BMPR1A: variants seen among roughly 807,000 people sequenced by gnomAD.
The protein encoded by BMPR1A is bone morphogenetic protein receptor type 1A, also known as bone morphogenetic protein receptor type-1A.
Under a neutral mutation model 66.0 loss-of-function variants are expected in BMPR1A, and 7 were observed. That is an observed-to-expected ratio of 0.11 (90% CI 0.06 to 0.20). The LOEUF (loss-of-function observed/expected upper bound fraction) is 0.20, where lower values mean the gene tolerates loss of function less well. Ranked by LOEUF, BMPR1A falls within the 10% of genes least tolerant of loss-of-function variation. BMPR1A has a pLI of 1.00. For missense variants in BMPR1A, 408 were observed against 669.1 expected (o/e 0.61, Z 4.31); for synonymous variants, 200 against 229.7 (o/e 0.87, Z 1.17).
chr10:86,839,991 AATAG>A (rs1350217709), intron 2 of BMPR1A, among the ~76,000 whole-genome samples: 1 of 152,148 alleles, frequency 6.6e-6, no homozygotes, highest in Non-Finnish European at 1.5e-5. Flanking sequence ...ATGTTAGAAT[AATAG>A]ATCTTTGGAA....
chr10:86,838,642 G>A (rs1471258946), intron 1 of BMPR1A, among the ~76,000 whole-genome samples: 1 of 150,464 alleles, frequency 6.6e-6, no homozygotes, highest in African/African-American at 2.4e-5. Context: ...AATTTTATAT[G>A]GAAGTACTGT....
At position 86,920,856 on chromosome 10, in the gene BMPR1A, C is replaced by CTT. The variant is rs397774280; in HGVS notation, c.1167-648_1167-647dup. ...TATCTTTTTTTTTTCCTTTTCTTTT[C>CTT]TTTTTTTTTTTTTTTTTGAGAGAGA... is the stretch of plus-strand genomic sequence containing the variant. On this transcript the variant is annotated intron_variant, in intron 10 of 12. Transcript: ENST00000372037. Among the ~76,000 whole-genome samples, 396 of 122,164 alleles carry CTT rather than the reference C, an allele frequency of 3.2e-3. 7 individuals are homozygous for CTT. The highest frequency in any genetic ancestry group is 8.2e-3 in the African/African-American group (260 of 31,796). The allele number at this position is 122,164 out of a possible 152,430, so 80.1% of individuals were successfully genotyped here.
At chr10:86,759,411 T>A (rs1359233486) in intron 1 of BMPR1A, among the ~76,000 whole-genome samples, 1 of 152,214 alleles carries the variant, frequency 6.6e-6, no homozygotes, top group Non-Finnish European at 1.5e-5. Context: ...TTTTTTTGTT[T>A]GTTTGTTTTG....
In BMPR1A at chr10:86,803,624, T is replaced by G. The variant is rs61549598; in HGVS notation, c.-267-35241T>G. 8.9e-3 allele frequency among the ~76,000 whole-genome samples: 1,350 copies of G among 152,348 alleles called. 24 individuals carry two copies. The highest frequency in any genetic ancestry group is 0.03 in the African/African-American group (1,235 of 41,584). On this transcript the variant is annotated intron_variant, in intron 1 of 12. Coordinates refer to ENST00000372037, the MANE Select transcript of BMPR1A (RefSeq NM_004329.3). ...TCTTTATTGATTTGAGATGTTACTT[T>G]TATTATATTCTCATATATATTTGGA...
At chr10:86,874,924 C>T (rs1842901299) in intron 2 of BMPR1A, among the ~76,000 whole-genome samples, 1 of 150,132 alleles carries the variant, frequency 6.7e-6, no homozygotes, top group African/African-American at 2.4e-5. Flanking sequence ...GGGGTTTCAC[C>T]ATGCTGGCCA....
intron 2 of BMPR1A, among the ~76,000 whole-genome samples, chr10:86,847,672 A>G (rs1391536591): frequency 6.6e-6 from 1 of 151,984 alleles, no homozygotes; most frequent in African/African-American, 2.4e-5. Context: ...ATTTAAAAAT[A>G]CACACACACG....
In BMPR1A at chr10:86,925,738, T is replaced by TTTTTTTTTTTTTTTTTTTG. The variant is rs1411121266; in HGVS notation, c.*2019_*2020insTTTTTTTTTTTTTTTTTTG. Reference sequence around the variant, plus strand: ...TTTGTCATCTTTTTTTTTTTTTTTTTGAGACGGAGTCTCGCTCTGTCGCCC... The same window carrying TTTTTTTTTTTTTTTTTTTG: ...TTTGTCATCTTTTTTTTTTTTTTTTTTTTTTTTTTTTTTTTTTTGGAGACGGAGTCTCGCTCTGTCGCCC... On this transcript the variant is annotated 3_prime_UTR_variant, in exon 13 of 13. Transcript: ENST00000372037. The TTTTTTTTTTTTTTTTTTTG allele has an allele frequency of 6.5e-6, 1 of 152,750 alleles. No individual in the cohort carries two copies. The highest frequency in any genetic ancestry group is 2.7e-5 in the African/African-American group (1 of 36,542). The allele number at this position is 152,750 out of a possible 1,614,324, so 9.5% of individuals were successfully genotyped here.
At chr10:86,827,071 A>G (rs1164302324) in intron 1 of BMPR1A, among the ~76,000 whole-genome samples, 9 of 152,124 alleles carry the variant, frequency 5.9e-5, no homozygotes, top group African/African-American at 1.7e-4. Flanking sequence ...CCAAACTTCT[A>G]TCTTGAGAAA....
intron 2 of BMPR1A, among the ~76,000 whole-genome samples, chr10:86,871,817 A>C (rs893016227): frequency 6.6e-6 from 1 of 151,994 alleles, no homozygotes; most frequent in East Asian, 1.9e-4. Context: ...AAAAAAAAAA[A>C]ATTTAGTCCA....
rs576959226 is a variant in BMPR1A, at chr10:86,844,043, A to T, written c.-153+5064A>T. On this transcript the variant is annotated intron_variant, in intron 2 of 12. Coordinates refer to ENST00000372037, the MANE Select transcript of BMPR1A (RefSeq NM_004329.3). The stretch of plus-strand genomic sequence containing the variant: ...TGAATTTTGAGCCTGGATGGTGGGG[A>T]TAATGTTGGCCTCATTAGTAGCCAA... Among the ~76,000 whole-genome samples, 23 of 152,310 alleles carry T rather than the reference A, an allele frequency of 1.5e-4. No individual in the cohort carries two copies. The East Asian group carries it at 3.9e-3, about 26-fold the overall frequency.
intron 2 of BMPR1A, among the ~76,000 whole-genome samples, chr10:86,854,269 G>A (rs1376764526): frequency 6.6e-6 from 1 of 152,098 alleles, no homozygotes; most frequent in Non-Finnish European, 1.5e-5. Flanking sequence ...CTTTTTTCAA[G>A]GTGCCCAGAT....
At chr10:86,852,480 T>C (rs1334685915) in intron 2 of BMPR1A, among the ~76,000 whole-genome samples, 2 of 152,236 alleles carry the variant, frequency 1.3e-5, no homozygotes, top group East Asian at 1.9e-4. Context: ...ATGGGAGGAT[T>C]ACTTGAGCCT....
chr10:86,827,266 AATT>A (rs1281889245), intron 1 of BMPR1A, among the ~76,000 whole-genome samples: 1 of 151,836 alleles, frequency 6.6e-6, no homozygotes, highest in Admixed American at 6.6e-5. Context: ...ATACATATGG[AATT>A]ATTCTGTATA....
At chr10:86,848,947 G>C (rs1842527208) in intron 2 of BMPR1A, among the ~76,000 whole-genome samples, 1 of 152,136 alleles carries the variant, frequency 6.6e-6, no homozygotes, top group African/African-American at 2.4e-5. Context: ...TCTTGGTTGG[G>C]ATGGTTACTT....
chr10:86,892,291 TC>T, intron 5 of BMPR1A, 62 bp downstream of exon 5: 2 of 1,356,958 alleles, frequency 1.5e-6, no homozygotes, highest in Non-Finnish European at 2.1e-6. Context: ...AGCATCGATT[TC>T]CCCCAGGAGA....
chr10:86,856,996 C>G (rs1184433640), intron 2 of BMPR1A, among the ~76,000 whole-genome samples: 2 of 152,210 alleles, frequency 1.3e-5, no homozygotes, highest in African/African-American at 2.4e-5. Flanking sequence ...CTTCTGTGCT[C>G]TCTTCTCCTG....
At chr10:86,917,912 A>G (rs1488126090) in intron 9 of BMPR1A, among the ~76,000 whole-genome samples, 2 of 152,176 alleles carry the variant, frequency 1.3e-5, no homozygotes, top group Non-Finnish European at 2.9e-5. Context: ...ATCAATTACC[A>G]CAAACTGGGT....
chr10:86,759,278 G>T (rs1265668763), intron 1 of BMPR1A, among the ~76,000 whole-genome samples: 1 of 152,078 alleles, frequency 6.6e-6, no homozygotes, highest in Non-Finnish European at 1.5e-5. Context: ...TCTTTAATAT[G>T]CGTTCTCCAA....
In BMPR1A at chr10:86,876,063, G is replaced by A. The variant is rs2133321682; in HGVS notation, c.45G>A (p.Leu15=). ...YIYIRLLGAY[L]FIISRVQGQN... ...ACATCAGATTATTGGGAGCCTATTT[G>A]TTCATCATTTCTCGTGTTCAAGGTA... is the stretch of plus-strand genomic sequence containing the variant. Residue 15 remains leucine, a synonymous_variant, in exon 3 of 13, where the codon TTG becomes TTA. Transcript: ENST00000372037. The A allele has an allele frequency of 1.2e-6, 2 of 1,611,636 alleles. No homozygotes were observed. Among genetic ancestry groups the A allele is most frequent in the Non-Finnish European group, 8.5e-7 (1 of 1,177,958 alleles).
Sources: allele counts gnomAD v4.1 joint callset (sites outside exome capture counted in the v4.1 genomes callset), GRCh38; gene constraint gnomAD v4.1.1; transcripts MANE v1.5; gene names NCBI Gene and HGNC (gene_info 2026-07-23, HGNC 2026-07-21).